Variants in ZAN observed in about 807,000 individuals in gnomAD.
ZAN encodes zonadhesin.
A neutral mutation model predicts 286.2 loss-of-function variants in ZAN; 260 were observed. The ratio of observed to expected loss-of-function variants is 0.91; its 90% confidence interval spans 0.82 to 1.01. The LOEUF is 1.01. Among genes scored for constraint, ZAN ranks in the 50% least tolerant of loss-of-function variants. The pLI, the probability that ZAN is intolerant of heterozygous loss-of-function variation, is 0.00. For synonymous variants in ZAN, 1,368 were observed against 1,417.5 expected (o/e 0.97, Z 0.79); for missense variants, 3,410 against 3,639.2 (o/e 0.94, Z 1.62).
At position 100,759,785 on chromosome 7, in the gene ZAN, CAA is replaced by C. The variant is rs1197199315; in HGVS notation, c.3638_3639del (p.Lys1213SerfsTer14). The C allele has an allele frequency of 1.9e-6, 3 of 1,606,640 alleles. No homozygotes were observed. Among genetic ancestry groups the C allele is most frequent in the Non-Finnish European group, 2.5e-6 (3 of 1,176,980 alleles). On this transcript the variant is annotated frameshift_variant, in exon 18 of 48. Transcript: ENST00000613979. LOFTEE classifies it high-confidence loss of function. ...QGQEGVSCLS[K>X]VYVTLPESTV... ...GACAGGAAGGCGTGTCCTGCCTGAG[CAA>C]AGTCTACGTGACCCTGCCCGAGAGC...
At chr7:100,791,255 T>A (rs1811937160) in intron 40 of ZAN, 142 bp downstream of exon 40, 1 of 1,132,030 alleles carries the variant, frequency 8.8e-7, no homozygotes, top group South Asian at 1.6e-5. Context: ...ATTCCGTCAT[T>A]CCCTCTCATC....
chr7:100,763,843 G>C lies in ZAN; in HGVS notation c.4024G>C (p.Asp1342His). Residue 1342 changes from aspartate to histidine, a missense_variant, in exon 21 of 48, where the codon GAT becomes CAT. Asp to His is a moderately conservative substitution (Grantham distance 81, BLOSUM62 -1). Around this residue, in one of 7 missense-constraint regions of ZAN, gnomAD observed 1,042 missense variants for 1,058.0 expected, o/e 0.98. Transcript: ENST00000613979. This position sits in a 1 kb window ranked among gnomAD's most constrained non-coding sequence, Gnocchi z 4.6. Reference protein sequence around the residue: ...KYQVVNSPSCDSSLQSSMSGP... With the variant: ...KYQVVNSPSCHSSLQSSMSGP... ...CCAGGTGGTGAATTCCCCGTCTTGTGATTCATCTCTGCAGAGCAGCATGTC... is the reference window on the plus strand; with the variant it reads ...CCAGGTGGTGAATTCCCCGTCTTGTCATTCATCTCTGCAGAGCAGCATGTC... 1 of 1,614,058 alleles carries C rather than the reference G, an allele frequency of 6.2e-7. No individual in the cohort carries two copies. The highest frequency in any genetic ancestry group is 2.2e-5 in the East Asian group (1 of 44,888).
intron 45 of ZAN, among the ~76,000 whole-genome samples, chr7:100,796,577 C>T (rs1207259479): frequency 1.3e-5 from 2 of 151,902 alleles, no homozygotes; most frequent in Admixed American, 6.6e-5. Flanking sequence ...CCACCACGCC[C>T]GGCTATTTTT....
intron 3 of ZAN, 64 bp from the exon 4 acceptor site, chr7:100,736,415 TCTCC>T: frequency 6.9e-7 from 1 of 1,451,930 alleles, no homozygotes; most frequent in East Asian, 2.3e-5. Flanking sequence ...GCTACTTCCC[TCTCC>T]CTGTGTGGCT....
chr7:100,781,623 A>C (rs2116234409), intron 35 of ZAN, among the ~76,000 whole-genome samples: 1 of 149,806 alleles, frequency 6.7e-6, no homozygotes, highest in South Asian at 2.1e-4. Context: ...AGAAGCTATA[A>C]GCCTGAGTTT....
chr7:100,759,989 G>A (rs1401020599), intron 18 of ZAN, 144 bp downstream of exon 18: 8 of 1,341,070 alleles, frequency 6.0e-6, no homozygotes, highest in South Asian at 3.1e-5. Flanking sequence ...TAAAGTGGGA[G>A]GATTGCTTGA....
rs1182823134 is a variant in ZAN, at chr7:100,737,985, T to C, written c.614-476T>C. On this transcript the variant is annotated intron_variant, in intron 6 of 47. Transcript: ENST00000613979. The stretch of plus-strand genomic sequence containing the variant: ...TTATTTATTTATTTGAGACGGAATT[T>C]CACTCTTGTCACCCAGGCTGGAGTG... Among the ~76,000 whole-genome samples, 6 of 139,150 alleles carry C rather than the reference T, an allele frequency of 4.3e-5. 1 individual carries two copies. The highest frequency in any genetic ancestry group is 1.6e-4 in the African/African-American group (6 of 37,892). 91.3% of individuals were successfully genotyped at this position (139,150 alleles called of 152,430 possible).
At chr7:100,770,474 A>T in intron 28 of ZAN, among the ~76,000 whole-genome samples, 1 of 138,218 alleles carries the variant, frequency 7.2e-6, no homozygotes, top group Non-Finnish European at 1.5e-5. Context: ...ACTGCACTCC[A>T]GCCTGGGCGA....
chr7:100,787,921 C>A lies in ZAN; in HGVS notation c.7012C>A (p.Arg2338Ser). The change falls in exon 38 of 48, where the codon CGT becomes AGT. Residue 2338 changes from arginine to serine, a missense_variant. Coordinates refer to ENST00000613979, the MANE Select transcript of ZAN (RefSeq NM_003386.3). Reference sequence around the variant, plus strand: ...ACAATGCTCAGTCTATGGCGACCCCCGTTACCTCACATTTGACGGCTTCAG... The same window carrying A: ...ACAATGCTCAGTCTATGGCGACCCCAGTTACCTCACATTTGACGGCTTCAG... ...SEQCSVYGDPRYLTFDGFSYR... is the reference protein window; with the variant it reads ...SEQCSVYGDPSYLTFDGFSYR... The A allele has an allele frequency of 6.3e-7, 1 of 1,577,446 alleles. No homozygotes were observed. Among genetic ancestry groups the A allele is most frequent in the South Asian group, 1.2e-5 (1 of 85,908 alleles).
chr7:100,793,353 AAAAAAAT>A (rs1485027507), intron 42 of ZAN, among the ~76,000 whole-genome samples: 1 of 151,988 alleles, frequency 6.6e-6, no homozygotes, highest in African/African-American at 2.4e-5. Flanking sequence ...AAAAAAATTT[AAAAAAAT>A]AAAAAATAAA....
chr7:100,761,266 G>A (rs909503663), intron 19 of ZAN, among the ~76,000 whole-genome samples: 2 of 152,186 alleles, frequency 1.3e-5, no homozygotes, highest in African/African-American at 4.8e-5. Flanking sequence ...AACTTTGGGA[G>A]GCTGAGACGG....
chr7:100,775,426 G>A lies in ZAN; in HGVS notation c.5878G>A (p.Val1960Met), dbSNP rs1274475501. 3.7e-6 allele frequency: 6 copies of A among 1,613,968 alleles called. No homozygotes were observed. Among genetic ancestry groups the A allele is most frequent in the Non-Finnish European group, 5.1e-6 (6 of 1,179,896 alleles). The change falls in exon 32 of 48, where the codon GTG (valine) becomes ATG (methionine). Residue 1960 changes from valine to methionine, a missense_variant. This residue lies in a region of ZAN where 1,289 missense variants were observed against 1,314.3 expected (regional missense o/e 0.98). Coordinates refer to ENST00000613979, the MANE Select transcript of ZAN (RefSeq NM_003386.3). ...CGCCTGCACTCTTGTCCTGGTGAAAGTGTGCCACCCCGCCATGGCCTTGCC... is the reference window on the plus strand; with the variant it reads ...CGCCTGCACTCTTGTCCTGGTGAAAATGTGCCACCCCGCCATGGCCTTGCC... The part of the protein sequence containing the change: ...PDACTLVLVK[V>M]CHPAMALPFF...
intron 38 of ZAN, among the ~76,000 whole-genome samples, chr7:100,788,586 T>C (rs1416344084): frequency 1.3e-5 from 2 of 151,930 alleles, no homozygotes; most frequent in African/African-American, 4.8e-5. Flanking sequence ...GCTCACTTCA[T>C]GTGGGGAGGC....
In ZAN at chr7:100,797,456, G is replaced by A; in HGVS notation, c.8357G>A (p.Arg2786Lys). 6.2e-7 allele frequency: 1 copy of A among 1,614,032 alleles called. No homozygotes were observed. The highest frequency in any genetic ancestry group is 8.5e-7 in the Non-Finnish European group (1 of 1,179,902). ...AVTRECIYRTRRKREKTQEGD... is the reference protein window; with the variant it reads ...AVTRECIYRTKRKREKTQEGD... ...ACCAGAGAGTGCATTTACAGAACGA[G>A]GAGGAAGAGGTGAGTCCTGGGAAGG... Residue 2786 changes from arginine to lysine, a missense_variant, in exon 46 of 48, where the codon AGG becomes AAG. By Grantham distance (26) the Arg-to-Lys change is conservative. Coordinates refer to ENST00000613979, the MANE Select transcript of ZAN (RefSeq NM_003386.3).
chr7:100,761,274 C>T (rs759228467), intron 19 of ZAN, among the ~76,000 whole-genome samples: 4 of 152,094 alleles, frequency 2.6e-5, no homozygotes, highest in African/African-American at 7.2e-5. Context: ...GAGGCTGAGA[C>T]GGGAGAATCC....
intron 22 of ZAN, among the ~76,000 whole-genome samples, 155 bp downstream of exon 22, chr7:100,764,351 C>T (rs572579419): frequency 1.1e-4 from 17 of 152,184 alleles, no homozygotes; most frequent in African/African-American, 4.1e-4. Context: ...CAAAATTAGC[C>T]AGGCATGGTG....
intron 35 of ZAN, among the ~76,000 whole-genome samples, chr7:100,784,236 T>G (rs1811412702): frequency 6.6e-6 from 1 of 151,332 alleles, no homozygotes; most frequent in Non-Finnish European, 1.5e-5. Context: ...TTCAAGTGAT[T>G]CTCCTGCCTC....
In ZAN at chr7:100,768,685, G is replaced by C. The variant is rs200163504; in HGVS notation, c.5117G>C (p.Gly1706Ala). 6.2e-4 allele frequency: 1,000 copies of C among 1,607,584 alleles called. 2 individuals carry two copies. The highest frequency in any genetic ancestry group is 8.0e-4 in the Non-Finnish European group (947 of 1,177,142). Reference sequence around the variant, plus strand: ...CTTGCAGGCGATTCCATGCAGCTGGGGGCCGCCTGGAAGTTACCTGAATCC... The same window carrying C: ...CTTGCAGGCGATTCCATGCAGCTGGCGGCCGCCTGGAAGTTACCTGAATCC... ...RKLAGDSMQL[G>A]AAWKLPESSE... The change falls in exon 27 of 48, where the codon GGG becomes GCG. Residue 1706 changes from glycine (G) to alanine (A), a missense_variant. Gly to Ala is a moderately conservative substitution (Grantham distance 60, BLOSUM62 0). This residue lies in a region of ZAN where 1,042 missense variants were observed against 1,058.0 expected (regional missense o/e 0.98). Transcript: ENST00000613979.
chr7:100,745,087 T>C (rs1324230520), intron 7 of ZAN, among the ~76,000 whole-genome samples: 1 of 151,734 alleles, frequency 6.6e-6, no homozygotes, highest in East Asian at 1.9e-4. Context: ...TTTCGCCATG[T>C]TGGCCAAGCT....
Sources: allele counts gnomAD v4.1 joint callset (sites outside exome capture counted in the v4.1 genomes callset), GRCh38; gene constraint gnomAD v4.1.1; regional missense constraint gnomAD v4.1.1; non-coding constraint Gnocchi (gnomAD v3.1); transcripts MANE v1.5; gene names NCBI Gene and HGNC (gene_info 2026-07-23, HGNC 2026-07-21).